Variants in GLI3 observed in about 807,000 individuals in gnomAD.
The protein encoded by GLI3 is transcription activator GLI3.
A neutral mutation model predicts 100.8 loss-of-function variants in GLI3; 20 were observed. The observed-to-expected ratio is 0.20, with a 90% CI of 0.14 to 0.29. The LOEUF (loss-of-function observed/expected upper bound fraction) is 0.29, where lower values mean the gene tolerates loss of function less well. Among genes scored for constraint, GLI3 ranks in the 10% least tolerant of loss-of-function variants. GLI3 has a pLI of 1.00. For missense variants in GLI3, 2,040 were observed against 2,128.5 expected, an observed-to-expected ratio of 0.96 and a Z score of 0.82; for synonymous variants, 938 against 860.5, an observed-to-expected ratio of 1.09 and a Z score of -1.58.
At chr7:42,100,648 G>A (rs1269012831) in intron 3 of GLI3, among the ~76,000 whole-genome samples, 27 of 152,112 alleles carry the variant, frequency 1.8e-4, no homozygotes, top group Admixed American at 1.8e-3. Flanking sequence ...AGGCTGAGGT[G>A]GCAGGATCAC....
At chr7:42,183,050 G>A (rs1420531199) in intron 2 of GLI3, among the ~76,000 whole-genome samples, 3 of 151,812 alleles carry the variant, frequency 2.0e-5, no homozygotes, top group East Asian at 1.9e-4. Context: ...GTGAAACCCC[G>A]TCTCTACTAA....
At chr7:41,979,976 T>C (rs1478098130) in intron 10 of GLI3, among the ~76,000 whole-genome samples, 1 of 152,206 alleles carries the variant, frequency 6.6e-6, no homozygotes, top group Non-Finnish European at 1.5e-5. Context: ...AGATGGCCTT[T>C]CGCTTTAGGT....
intron 2 of GLI3, among the ~76,000 whole-genome samples, chr7:42,206,762 A>C (rs1212039800): frequency 6.6e-6 from 1 of 152,226 alleles, no homozygotes; most frequent in East Asian, 1.9e-4. Flanking sequence ...TCATACAATA[A>C]AATTTTACAG....
chr7:42,083,204 TC>T (rs1785033137), intron 3 of GLI3, among the ~76,000 whole-genome samples: 1 of 152,202 alleles, frequency 6.6e-6, no homozygotes, highest in Admixed American at 6.5e-5. Context: ...CCACTATCCT[TC>T]CTAGCCTCTG....
intron 3 of GLI3, among the ~76,000 whole-genome samples, chr7:42,089,235 A>T (rs1002485699): frequency 1.3e-5 from 2 of 152,138 alleles, no homozygotes; most frequent in Non-Finnish European, 2.9e-5. Flanking sequence ...CACAAAGATG[A>T]CCCCAATCTG....
chr7:42,048,704 C>A lies in GLI3; in HGVS notation c.474-8G>T, dbSNP rs2128742744. 4 of 1,590,280 alleles carry A rather than the reference C, an allele frequency of 2.5e-6. No individual in the cohort carries two copies. The highest frequency in any genetic ancestry group is 3.4e-6 in the Non-Finnish European group (4 of 1,161,626). ...CTAGATAAGGCGGAAGTCCTGGGTA[C>A]AAAGAAAACCAGATACAAGGGGTAT... On this transcript the variant is annotated splice_region_variant and splice_polypyrimidine_tract_variant and intron_variant, in intron 4 of 14. Transcript: ENST00000395925.
chr7:42,225,705 A>C (rs1311732217), intron 1 of GLI3, among the ~76,000 whole-genome samples: 2 of 152,210 alleles, frequency 1.3e-5, no homozygotes, highest in African/African-American at 4.8e-5. Flanking sequence ...AGTGCAGTAT[A>C]TACTCATTGA....
intron 7 of GLI3, among the ~76,000 whole-genome samples, chr7:42,028,478 A>G (rs767549272): frequency 1.3e-5 from 2 of 152,126 alleles, no homozygotes; most frequent in Non-Finnish European, 2.9e-5. Flanking sequence ...AAAAAGATGT[A>G]GGAGGCCGGG....
chr7:42,113,462 C>T, intron 3 of GLI3: 1 of 753,620 alleles, frequency 1.3e-6, no homozygotes. Flanking sequence ...GCTAAACCTG[C>T]TCCTCCAAAG....
In GLI3 at chr7:42,181,535, G is replaced by T. The variant is rs1269411576; in HGVS notation, c.125-33067C>A. Among the ~76,000 whole-genome samples, 8 of 152,104 alleles carry T rather than the reference G, an allele frequency of 5.3e-5. No individual in the cohort carries two copies. In the South Asian group the frequency reaches 1.0e-3, roughly 20 times the overall value. On this transcript the variant is annotated intron_variant, in intron 2 of 14. Transcript: ENST00000395925. ...TGGGAGGACTGCCTGAGCCCAGGAG[G>T]TCAAGACTGAAATGAACCATGATCA...
chr7:42,109,950 G>A (rs1371429514), intron 3 of GLI3, among the ~76,000 whole-genome samples: 1 of 152,144 alleles, frequency 6.6e-6, no homozygotes, highest in Non-Finnish European at 1.5e-5. Flanking sequence ...TACCTCTTTA[G>A]GATACTTTTT....
chr7:42,232,854 A>G (rs1488990801), intron 1 of GLI3, among the ~76,000 whole-genome samples: 1 of 152,206 alleles, frequency 6.6e-6, no homozygotes, highest in African/African-American at 2.4e-5. Flanking sequence ...TTTCTGAGAC[A>G]TTTTGTCGGG....
intron 9 of GLI3, among the ~76,000 whole-genome samples, chr7:42,023,903 TA>T (rs113898315): frequency 6.6e-6 from 1 of 150,946 alleles, no homozygotes; most frequent in East Asian, 1.9e-4. Context: ...AAATGTCATC[TA>T]AAAAAAAACC....
chr7:42,237,926 T>TG (rs1012126559), upstream of GLI3: 2 of 141,966 alleles, frequency 1.4e-5, no homozygotes, highest in East Asian at 4.7e-4. Context: ...GGTCGGGGGC[T>TG]GGGGGGGAGC....
rs2128704454 is a variant in GLI3 at position 41,963,903 on chromosome 7, C to T, written c.*427G>A. ...CACATGTAAAGGAGAATTTTAAAAG[C>T]TGGAAGTGTAACCCCTTGGTCACAA... On this transcript the variant is annotated 3_prime_UTR_variant, in exon 15 of 15. Coordinates refer to ENST00000395925, the MANE Select transcript of GLI3 (RefSeq NM_000168.6). 6.0e-6 allele frequency: 1 copy of T among 166,806 alleles called. No individual in the cohort carries two copies. Among genetic ancestry groups the T allele is most frequent in the South Asian group, 1.5e-4 (1 of 6,728 alleles). The allele number at this position is 166,806 out of a possible 1,614,324, so 10.3% of individuals were successfully genotyped here.
At chr7:42,137,761 C>T (rs1481452530) in intron 3 of GLI3, among the ~76,000 whole-genome samples, 1 of 152,136 alleles carries the variant, frequency 6.6e-6, no homozygotes, top group African/African-American at 2.4e-5. Flanking sequence ...CACACCTGAC[C>T]GACCTCATGT....
At chr7:42,139,454 C>T (rs1406332055) in intron 3 of GLI3, among the ~76,000 whole-genome samples, 3 of 151,986 alleles carry the variant, frequency 2.0e-5, no homozygotes, top group Non-Finnish European at 4.4e-5. Flanking sequence ...CCGAGACGGG[C>T]AGATCACTTG....
chr7:42,214,677 T>C (rs956816317), intron 2 of GLI3, among the ~76,000 whole-genome samples: 1 of 148,432 alleles, frequency 6.7e-6, no homozygotes, highest in Non-Finnish European at 1.5e-5. Context: ...AAAAAAAAAA[T>C]AGCAAAGCAT....
chr7:41,978,032 C>A, intron 11 of GLI3: 1 of 440,712 alleles, frequency 2.3e-6, no homozygotes, highest in Non-Finnish European at 4.2e-6. Context: ...TCAGATTCAG[C>A]ACAAAGTTCA....
Sources: allele counts gnomAD v4.1 joint callset (sites outside exome capture counted in the v4.1 genomes callset), GRCh38; gene constraint gnomAD v4.1.1; transcripts MANE v1.5; gene names NCBI Gene and HGNC (gene_info 2026-07-23, HGNC 2026-07-21).